LRRC37A2: variants seen among roughly 807,000 people sequenced by gnomAD.
The protein encoded by LRRC37A2 is leucine rich repeat containing 37 member A2.
A neutral mutation model predicts 68.8 loss-of-function variants in LRRC37A2; 9 were observed. The ratio of observed to expected loss-of-function variants is 0.13; its 90% CI spans 0.08 to 0.23. The LOEUF is 0.23. LRRC37A2 is among the 10% of genes least tolerant of loss of function. LRRC37A2 has a pLI of 1.00. For synonymous variants in LRRC37A2, 63 were observed against 367.6 expected (o/e 0.17, Z 9.48); for missense variants, 168 against 950.4 (o/e 0.18, Z 10.82).
At chr17:46,497,424 A>G in the LRRC37A2 span, among the ~76,000 whole-genome samples, 1 of 143,446 alleles carries the variant, frequency 7.0e-6, no homozygotes, top group Non-Finnish European at 1.5e-5. Flanking sequence ...TTTTAGTGTT[A>G]TGTTTTATTA....
the LRRC37A2 span, among the ~76,000 whole-genome samples, chr17:46,791,182 A>G: frequency 6.7e-6 from 1 of 148,970 alleles, no homozygotes; most frequent in Non-Finnish European, 1.5e-5. Flanking sequence ...CTGCAGCTAC[A>G]TTTCCCCCCA....
At chr17:46,744,320 G>A in the LRRC37A2 span, among the ~76,000 whole-genome samples, 5 of 152,146 alleles carry the variant, frequency 3.3e-5, no homozygotes, top group African/African-American at 1.2e-4. Flanking sequence ...TTAATATTCT[G>A]AAATATTTCA....
chr17:46,412,368 A>ACTTC, the LRRC37A2 span, among the ~76,000 whole-genome samples: 10 of 112,636 alleles, frequency 8.9e-5, no homozygotes, highest in East Asian at 2.3e-3. Flanking sequence ...CGGAAGTCTG[A>ACTTC]AATCAAGCTG....
the LRRC37A2 span, among the ~76,000 whole-genome samples, chr17:47,000,388 C>T: frequency 2.6e-5 from 4 of 152,050 alleles, no homozygotes; most frequent in South Asian, 8.3e-4. Flanking sequence ...GTGTGCGCCA[C>T]CATGCCTGGC....
the LRRC37A2 span, among the ~76,000 whole-genome samples, chr17:47,007,268 C>T: frequency 6.6e-6 from 1 of 152,160 alleles, no homozygotes; most frequent in Admixed American, 6.5e-5. Context: ...ACCTCCGCCT[C>T]CTGGGTTCAA....
the LRRC37A2 span, among the ~76,000 whole-genome samples, chr17:46,808,840 G>A: frequency 1.3e-5 from 2 of 152,144 alleles, no homozygotes; most frequent in African/African-American, 4.8e-5. Flanking sequence ...AATTGACACT[G>A]TGGAGAAAAG....
chr17:46,979,158 T>A, the LRRC37A2 span: 2 of 831,932 alleles, frequency 2.4e-6, no homozygotes, highest in Non-Finnish European at 3.3e-6. Flanking sequence ...GCCTGCGCGC[T>A]CTCGGGCCGC....
At chr17:46,881,988 T>A in the LRRC37A2 span, among the ~76,000 whole-genome samples, 1 of 152,138 alleles carries the variant, frequency 6.6e-6, no homozygotes, top group Admixed American at 6.5e-5. Flanking sequence ...TCCCTCAAAA[T>A]GTCCTTTATA....
the LRRC37A2 span, among the ~76,000 whole-genome samples, chr17:46,837,642 T>A: frequency 2.6e-5 from 4 of 152,198 alleles, no homozygotes; most frequent in African/African-American, 9.6e-5. Context: ...CTGGGGTGAC[T>A]CCAAAGGACT....
the LRRC37A2 span, among the ~76,000 whole-genome samples, chr17:46,679,313 G>C: frequency 4.3e-5 from 6 of 140,794 alleles, no homozygotes; most frequent in Non-Finnish European, 7.7e-5. Context: ...CTCTATGTGT[G>C]ATGTATTTTG....
the LRRC37A2 span, among the ~76,000 whole-genome samples, chr17:46,928,353 C>T: frequency 6.6e-5 from 10 of 152,156 alleles, no homozygotes; most frequent in African/African-American, 2.4e-4. Flanking sequence ...TTGCATTGCT[C>T]ACGATGCAGA....
At chr17:46,829,705 G>C in the LRRC37A2 span, among the ~76,000 whole-genome samples, 2 of 151,966 alleles carry the variant, frequency 1.3e-5, no homozygotes, top group Non-Finnish European at 1.5e-5. Flanking sequence ...TTCACCTGAG[G>C]GGATGGTTAT....
At chr17:47,048,370 T>G in the LRRC37A2 span, among the ~76,000 whole-genome samples, 1 of 151,194 alleles carries the variant, frequency 6.6e-6, no homozygotes, top group Non-Finnish European at 1.5e-5. Context: ...TCCAAAATAT[T>G]AGAGATGAAA....
At chr17:46,873,300 A>G in the LRRC37A2 span, among the ~76,000 whole-genome samples, 1 of 145,554 alleles carries the variant, frequency 6.9e-6, no homozygotes, top group Non-Finnish European at 1.5e-5. Flanking sequence ...CTCCCTCCCC[A>G]CTCCACCCAC....
At chr17:46,858,948 T>A in the LRRC37A2 span, among the ~76,000 whole-genome samples, 1 of 151,880 alleles carries the variant, frequency 6.6e-6, no homozygotes, top group Non-Finnish European at 1.5e-5. Context: ...ATTATTGGCA[T>A]GAGCCACAGC....
At chr17:46,733,992 A>C in the LRRC37A2 span, among the ~76,000 whole-genome samples, 1 of 152,194 alleles carries the variant, frequency 6.6e-6, no homozygotes, top group Non-Finnish European at 1.5e-5. Flanking sequence ...CATTCTCAGG[A>C]TGGGGACTTG....
the LRRC37A2 span, among the ~76,000 whole-genome samples, chr17:46,844,634 C>T: frequency 1.3e-5 from 2 of 152,162 alleles, no homozygotes; most frequent in Admixed American, 6.6e-5. Flanking sequence ...CCTTTCCTCT[C>T]GTCCTTCTTT....
At chr17:46,779,052 A>ATCAC in the LRRC37A2 span, among the ~76,000 whole-genome samples, 54 of 22,704 alleles carry the variant, frequency 2.4e-3, 2 homozygotes, top group Admixed American at 0.015. Context: ...TCCCTACCCC[A>ATCAC]TCACACACAC....
At chr17:46,932,159 GAC>G in the LRRC37A2 span, 1 of 1,614,172 alleles carries the variant, frequency 6.2e-7, no homozygotes, top group Non-Finnish European at 8.5e-7. Flanking sequence ...CAGCAGGAGA[GAC>G]AGCGAGAAGA....
Sources: gnomAD v4.1 joint callset for allele counts (sites outside exome capture counted in the v4.1 genomes callset) on GRCh38, gnomAD v4.1.1 for gene constraint, MANE v1.5 for transcripts, NCBI Gene and HGNC (gene_info 2026-07-23, HGNC 2026-07-21) for gene names.